The following KCNC2 variants were observed in gnomAD, a reference collection of about 807,000 sequenced individuals.
The protein encoded by KCNC2 is potassium voltage-gated channel subfamily C member 2, also known as voltage-gated potassium channel KCNC2.
Under a neutral mutation model 44.5 loss-of-function variants are expected in KCNC2, and 21 were observed. The ratio of observed to expected loss-of-function variants is 0.47; its 90% confidence interval spans 0.33 to 0.68. KCNC2 has a LOEUF of 0.68. Ranked by LOEUF, KCNC2 falls within the 30% of genes least tolerant of loss-of-function variation. The probability of loss-of-function intolerance (pLI) is 0.01; values close to 1 mark genes in which losing one functional copy is unlikely to be tolerated. For synonymous variants in KCNC2, 391 were observed against 339.1 expected (o/e 1.15, Z -1.68); for missense variants, 589 against 826.2 (o/e 0.71, Z 3.52).
chr12:75,152,477 C>A (rs1488340335), intron 2 of KCNC2, among the ~76,000 whole-genome samples: 1 of 151,758 alleles, frequency 6.6e-6, no homozygotes, highest in Non-Finnish European at 1.5e-5. Context: ...ATGTTTAAGT[C>A]ATTTTTCCAC....
At chr12:75,173,389 T>C (rs1891964020) in intron 2 of KCNC2, among the ~76,000 whole-genome samples, 1 of 151,882 alleles carries the variant, frequency 6.6e-6, no homozygotes, top group African/African-American at 2.4e-5. Flanking sequence ...ACAATTTAAA[T>C]GGAAAATAGA....
chr12:75,143,696 T>C (rs1249759001), intron 2 of KCNC2, among the ~76,000 whole-genome samples: 3 of 152,206 alleles, frequency 2.0e-5, no homozygotes, highest in African/African-American at 7.2e-5. Context: ...GATTCTCATG[T>C]TTATTCTTCA....
rs116260545 is a variant in KCNC2 at position 75,062,411 on chromosome 12, T to C, written c.688-11094A>G. On this transcript the variant is annotated intron_variant, in intron 2 of 4. Transcript: ENST00000549446. ...GAATGAAGTTAACTTTTATTTTTCA[T>C]TTGTCTTCTAGATTTTTATATATAG... 2.9e-3 allele frequency among the ~76,000 whole-genome samples: 449 copies of C among 152,248 alleles called. 2 individuals carry two copies. Among genetic ancestry groups the C allele is most frequent in the African/African-American group, 1.0e-2 (415 of 41,580 alleles).
chr12:75,081,268 TACTC>T (rs1426567931), intron 2 of KCNC2, among the ~76,000 whole-genome samples: 1 of 152,082 alleles, frequency 6.6e-6, no homozygotes, highest in Non-Finnish European at 1.5e-5. Context: ...AAAATTGTAA[TACTC>T]AGTTAATTTT....
chr12:75,150,174 T>A (rs1198986478), intron 2 of KCNC2, among the ~76,000 whole-genome samples: 1 of 151,876 alleles, frequency 6.6e-6, no homozygotes, highest in Non-Finnish European at 1.5e-5. Flanking sequence ...ATTCCTTTAT[T>A]ACAACAAAAA....
chr12:75,112,561 C>T (rs905730843), intron 2 of KCNC2, among the ~76,000 whole-genome samples: 1 of 151,950 alleles, frequency 6.6e-6, no homozygotes, highest in Non-Finnish European at 1.5e-5. Context: ...TTTATCTGAT[C>T]CAGTATTTCC....
intron 2 of KCNC2, among the ~76,000 whole-genome samples, chr12:75,086,351 T>C (rs899416432): frequency 1.3e-5 from 2 of 152,098 alleles, no homozygotes; most frequent in Admixed American, 1.3e-4. Flanking sequence ...TTTGCCAATG[T>C]GCAGTTTTGG....
chr12:75,150,225 A>G (rs60820107), intron 2 of KCNC2, among the ~76,000 whole-genome samples: 2,269 of 152,028 alleles, frequency 0.015, 49 homozygotes, highest in African/African-American at 0.051. Flanking sequence ...GATGACTCAT[A>G]AAAATAAAAT....
chr12:75,112,104 TTTG>T lies in KCNC2; in HGVS notation c.688-60790_688-60788del, dbSNP rs1427266727. On this transcript the variant is annotated intron_variant, in intron 2 of 4. Coordinates refer to ENST00000549446, the MANE Select transcript of KCNC2 (RefSeq NM_139137.4). The stretch of plus-strand genomic sequence containing the variant: ...ACAAAATGTCTGTTACAATTTATTT[TTTG>T]TTAACTATAATTTATCTATCACTTT... 2.0e-5 allele frequency among the ~76,000 whole-genome samples: 3 copies of T among 152,054 alleles called. No homozygotes were observed. In the East Asian group the frequency reaches 5.8e-4, roughly 29 times the overall value.
At chr12:75,181,632 G>A (rs963430638) in intron 2 of KCNC2, among the ~76,000 whole-genome samples, 4 of 152,058 alleles carry the variant, frequency 2.6e-5, no homozygotes, top group South Asian at 4.1e-4. Context: ...AAACTAATAA[G>A]AGTATAATGT....
At chr12:75,157,837 G>A (rs1295477167) in intron 2 of KCNC2, among the ~76,000 whole-genome samples, 2 of 151,854 alleles carry the variant, frequency 1.3e-5, no homozygotes, top group Non-Finnish European at 2.9e-5. Flanking sequence ...AAAATACAAT[G>A]ACATTATCAC....
intron 2 of KCNC2, among the ~76,000 whole-genome samples, chr12:75,100,811 G>A (rs539517293): frequency 6.6e-6 from 1 of 152,084 alleles, no homozygotes; most frequent in African/African-American, 2.4e-5. Context: ...GATTTAGCTA[G>A]ATTTGCCTAC....
chr12:75,193,784 A>T (rs999965682), intron 2 of KCNC2, among the ~76,000 whole-genome samples: 11 of 152,160 alleles, frequency 7.2e-5, no homozygotes, highest in Non-Finnish European at 1.3e-4. Flanking sequence ...CCTGAAGGGA[A>T]TCCTGTGTTC....
At chr12:75,189,904 C>T (rs2137701186) in intron 2 of KCNC2, among the ~76,000 whole-genome samples, 1 of 152,222 alleles carries the variant, frequency 6.6e-6, no homozygotes, top group East Asian at 1.9e-4. Flanking sequence ...ACCTATGAGT[C>T]GATGAAAAAG....
intron 2 of KCNC2, among the ~76,000 whole-genome samples, chr12:75,188,445 T>G (rs1462007753): frequency 1.3e-5 from 2 of 152,200 alleles, no homozygotes; most frequent in Non-Finnish European, 2.9e-5. Context: ...AAGGAACAAT[T>G]TTTAGCATAA....
intron 2 of KCNC2, among the ~76,000 whole-genome samples, chr12:75,171,596 AG>A (rs2137582368): frequency 6.6e-6 from 1 of 151,990 alleles, no homozygotes; most frequent in Non-Finnish European, 1.5e-5. Flanking sequence ...TCTTGAAGGT[AG>A]TGAGTAGAAT....
chr12:75,051,649 C>A (rs983025698), intron 2 of KCNC2, among the ~76,000 whole-genome samples: 1 of 151,710 alleles, frequency 6.6e-6, no homozygotes, highest in African/African-American at 2.4e-5. Flanking sequence ...GAAAACACAC[C>A]AAAACAAAAG....
intron 2 of KCNC2, among the ~76,000 whole-genome samples, chr12:75,196,904 C>A (rs1380986469): frequency 1.3e-5 from 2 of 152,068 alleles, no homozygotes; most frequent in East Asian, 1.9e-4. Context: ...CTACAGGTAA[C>A]CAGTTCTAAT....
intron 2 of KCNC2, among the ~76,000 whole-genome samples, chr12:75,068,021 T>C (rs2137019390): frequency 6.6e-6 from 1 of 152,304 alleles, no homozygotes; most frequent in East Asian, 1.9e-4. Context: ...TGAAAACAAC[T>C]TTCCAGGGAA....
Sources: allele counts gnomAD v4.1 joint callset (sites outside exome capture counted in the v4.1 genomes callset), GRCh38; gene constraint gnomAD v4.1.1; transcripts MANE v1.5; gene names NCBI Gene and HGNC (gene_info 2026-07-23, HGNC 2026-07-21).